Variants in ATP8A2 observed in about 807,000 individuals in gnomAD.
The protein encoded by ATP8A2 is ATPase phospholipid transporting 8A2, also known as phospholipid-transporting ATPase IB.
In ATP8A2, 100 loss-of-function variants were observed where a neutral mutation model predicts 165.6. The ratio of observed to expected loss-of-function variants is 0.60; its 90% CI spans 0.51 to 0.71. ATP8A2 has a LOEUF of 0.71. Among genes scored for constraint, ATP8A2 ranks in the 30% least tolerant of loss-of-function variants. The probability of loss-of-function intolerance (pLI) is 0.00; values close to 1 mark genes in which losing one functional copy is unlikely to be tolerated. For synonymous variants in ATP8A2, 543 were observed against 548.8 expected, an observed-to-expected ratio of 0.99 and a Z score of 0.15; for missense variants, 1,227 against 1,479.5, an observed-to-expected ratio of 0.83 and a Z score of 2.80.
At chr13:25,834,677 C>T (rs960076932) in intron 28 of ATP8A2, among the ~76,000 whole-genome samples, 3 of 152,164 alleles carry the variant, frequency 2.0e-5, no homozygotes, top group Non-Finnish European at 4.4e-5. Context: ...ATAATGTCTA[C>T]CTTTTTGGTT....
At chr13:25,852,938 A>G (rs1952046486) in intron 30 of ATP8A2, among the ~76,000 whole-genome samples, 1 of 152,106 alleles carries the variant, frequency 6.6e-6, no homozygotes, top group South Asian at 2.1e-4. Context: ...CTTACTAACC[A>G]TGTGACCTTG....
At chr13:25,879,644 G>A (rs943261554) in intron 33 of ATP8A2, among the ~76,000 whole-genome samples, 1 of 152,150 alleles carries the variant, frequency 6.6e-6, no homozygotes, top group Non-Finnish European at 1.5e-5. Flanking sequence ...GCTGGCAGGC[G>A]CATCTGATGG....
At chr13:25,682,289 C>G (rs188550813) in intron 24 of ATP8A2, among the ~76,000 whole-genome samples, 73 of 152,242 alleles carry the variant, frequency 4.8e-4, no homozygotes, top group African/African-American at 1.6e-3. Flanking sequence ...GTGCCTCCCC[C>G]CTCCTCTGCA....
At chr13:25,684,678 C>A (rs190073625) in intron 24 of ATP8A2, among the ~76,000 whole-genome samples, 13 of 152,270 alleles carry the variant, frequency 8.5e-5, no homozygotes, top group African/African-American at 2.4e-4. Context: ...CCAAGAAAAT[C>A]TATTTAAAGC....
intron 24 of ATP8A2, among the ~76,000 whole-genome samples, chr13:25,661,117 A>T (rs1207562645): frequency 1.3e-5 from 2 of 152,138 alleles, no homozygotes; most frequent in Admixed American, 1.3e-4. Context: ...TGGGTATGGT[A>T]TTTAGATTCC....
chr13:25,991,325 C>T (rs892726299), intron 35 of ATP8A2, among the ~76,000 whole-genome samples: 17 of 152,082 alleles, frequency 1.1e-4, no homozygotes, highest in African/African-American at 3.4e-4. Flanking sequence ...ATAGAAAGCT[C>T]GCATATACCC....
intron 1 of ATP8A2, among the ~76,000 whole-genome samples, chr13:25,466,972 C>G (rs994245562): frequency 6.6e-6 from 1 of 152,232 alleles, no homozygotes; most frequent in African/African-American, 2.4e-5. Flanking sequence ...AAAATATTCT[C>G]CATCTGTCTT....
intron 1 of ATP8A2, among the ~76,000 whole-genome samples, chr13:25,443,408 ACT>A (rs1297119181): frequency 6.6e-6 from 1 of 152,140 alleles, no homozygotes; most frequent in Non-Finnish European, 1.5e-5. Flanking sequence ...AATAATAGAA[ACT>A]CTGTCTGACA....
intron 28 of ATP8A2, among the ~76,000 whole-genome samples, chr13:25,829,930 G>A (rs1391691314): frequency 6.6e-6 from 1 of 151,036 alleles, no homozygotes; most frequent in African/African-American, 2.4e-5. Flanking sequence ...AGAATAACTA[G>A]GGTTTATTTG....
At chr13:25,724,875 A>T (rs2043459876) in intron 25 of ATP8A2, among the ~76,000 whole-genome samples, 1 of 152,224 alleles carries the variant, frequency 6.6e-6, no homozygotes, top group African/African-American at 2.4e-5. Flanking sequence ...ATTTTATCCT[A>T]TACCAGTTCA....
intron 25 of ATP8A2, among the ~76,000 whole-genome samples, chr13:25,743,101 T>A (rs918128149): frequency 2.0e-5 from 3 of 151,958 alleles, no homozygotes; most frequent in Admixed American, 1.3e-4. Context: ...GTCATTAGGG[T>A]GGACCTCATC....
At chr13:25,589,584 A>G (rs2040013187) in intron 23 of ATP8A2, 51 bp from the exon 24 acceptor site, 4 of 1,380,040 alleles carry the variant, frequency 2.9e-6, no homozygotes, top group Non-Finnish European at 4.1e-6. Context: ...GAATTTAAGG[A>G]GCTCACAGAA....
At chr13:25,852,389 C>A (rs1952029185) in intron 30 of ATP8A2, among the ~76,000 whole-genome samples, 1 of 152,154 alleles carries the variant, frequency 6.6e-6, no homozygotes, top group Non-Finnish European at 1.5e-5. Context: ...AAACTCTGGG[C>A]TAATGAAATG....
chr13:25,569,160 A>G (rs556620617), intron 16 of ATP8A2, among the ~76,000 whole-genome samples: 4 of 152,332 alleles, frequency 2.6e-5, no homozygotes, highest in African/African-American at 4.8e-5. Flanking sequence ...AATTGAAGCT[A>G]AATTCTCACA....
intron 2 of ATP8A2, among the ~76,000 whole-genome samples, chr13:25,477,165 A>G (rs1031176360): frequency 1.3e-5 from 2 of 152,296 alleles, no homozygotes; most frequent in East Asian, 3.9e-4. Flanking sequence ...GTGTGGGTGG[A>G]TAATGGAGCC....
intron 24 of ATP8A2, among the ~76,000 whole-genome samples, chr13:25,644,662 A>G (rs1475878318): frequency 6.6e-6 from 1 of 152,104 alleles, no homozygotes; most frequent in Non-Finnish European, 1.5e-5. Flanking sequence ...GTACAATTAA[A>G]CAGTGGAGCC....
intron 33 of ATP8A2, among the ~76,000 whole-genome samples, chr13:25,937,231 A>G (rs1374825533): frequency 2.0e-5 from 3 of 152,146 alleles, no homozygotes; most frequent in South Asian, 2.1e-4. Flanking sequence ...AAGTAAAACT[A>G]TAAGGGAAAA....
Position 25,497,732 on chromosome 13 carries a change from G to A in ATP8A2, c.221+28611G>A, listed in dbSNP as rs765074492. Reference sequence around the variant, plus strand: ...AGCACTTTGGGAGGCCGAGGCAGGCGGATCATGAGGTCAGGAGATGGAGAC... The same window carrying A: ...AGCACTTTGGGAGGCCGAGGCAGGCAGATCATGAGGTCAGGAGATGGAGAC... On this transcript the variant is annotated intron_variant, in intron 2 of 36. Coordinates refer to ENST00000381655, the MANE Select transcript of ATP8A2 (RefSeq NM_016529.6). Among the ~76,000 whole-genome samples the A allele has an allele frequency of 8.6e-5, 13 of 151,978 alleles. No homozygotes were observed. In the South Asian group the frequency reaches 1.3e-3, roughly 15 times the overall value.
At chr13:25,547,411 C>T (rs558290503) in intron 10 of ATP8A2, among the ~76,000 whole-genome samples, 16 of 152,118 alleles carry the variant, frequency 1.1e-4, no homozygotes, top group African/African-American at 2.2e-4. Flanking sequence ...CTCATAGGAG[C>T]GTGAACTCTG....
Sources: gnomAD v4.1 joint callset for allele counts (sites outside exome capture counted in the v4.1 genomes callset) on GRCh38, gnomAD v4.1.1 for gene constraint, MANE v1.5 for transcripts, NCBI Gene and HGNC (gene_info 2026-07-23, HGNC 2026-07-21) for gene names.